EYA1: variants seen among roughly 807,000 people sequenced by gnomAD.
EYA1 encodes EYA transcriptional coactivator and phosphatase 1.
A neutral mutation model predicts 82.0 loss-of-function variants in EYA1; 16 were observed. The ratio of observed to expected loss-of-function variants is 0.20; its 90% CI spans 0.13 to 0.30. The LOEUF is 0.30. Ranked by LOEUF, EYA1 falls within the 10% of genes least tolerant of loss-of-function variation. The pLI is 1.00. For missense variants in EYA1, 633 were observed against 730.7 expected, an observed-to-expected ratio of 0.87 and a Z score of 1.54; for synonymous variants, 261 against 264.4, an observed-to-expected ratio of 0.99 and a Z score of 0.12.
intron 2 of EYA1, among the ~76,000 whole-genome samples, chr8:71,500,126 G>C (rs779828609): frequency 6.6e-6 from 1 of 152,128 alleles, no homozygotes; most frequent in Non-Finnish European, 1.5e-5. Context: ...AGCATGTAAA[G>C]GTATGAGAGT....
intron 3 of EYA1, among the ~76,000 whole-genome samples, chr8:71,343,639 C>T (rs954160651): frequency 6.6e-5 from 10 of 152,190 alleles, no homozygotes; most frequent in African/African-American, 2.2e-4. Flanking sequence ...GGCCCTTGAC[C>T]TTGGACTTAG....
intron 2 of EYA1, among the ~76,000 whole-genome samples, chr8:71,531,554 T>C (rs986195013): frequency 6.6e-6 from 1 of 152,180 alleles, no homozygotes; most frequent in African/African-American, 2.4e-5. Flanking sequence ...AGTGAGTATG[T>C]GCTTTTTTTT....
Position 71,239,767 on chromosome 8 carries a change from A to C in EYA1, c.1140+4836T>G, listed in dbSNP as rs187441394. Among the ~76,000 whole-genome samples, 455 of 152,330 alleles carry C rather than the reference A, an allele frequency of 3.0e-3. 3 individuals are homozygous for C. Among genetic ancestry groups the C allele is most frequent in the African/African-American group, 0.01 (426 of 41,582 alleles). On this transcript the variant is annotated intron_variant, in intron 12 of 17. Coordinates refer to ENST00000340726, the MANE Select transcript of EYA1 (RefSeq NM_000503.6). ...AGATCCTTTGGCAGCAGAGAACCAG[A>C]GCTCTAGCATCCACACAAAAGCTGA... is the stretch of plus-strand genomic sequence containing the variant.
chr8:71,231,976 C>T (rs1811253776), intron 12 of EYA1, among the ~76,000 whole-genome samples: 1 of 152,220 alleles, frequency 6.6e-6, no homozygotes, highest in Admixed American at 6.5e-5. Flanking sequence ...TGTGTGACAG[C>T]AGCAAGGTGT....
chr8:71,461,272 G>A (rs959477444), intron 2 of EYA1, among the ~76,000 whole-genome samples: 1 of 145,468 alleles, frequency 6.9e-6, no homozygotes, highest in Admixed American at 6.7e-5. Flanking sequence ...CTACTGGCAA[G>A]GGGGAGTCAT....
chr8:71,351,309 T>C (rs1302261699), intron 3 of EYA1, among the ~76,000 whole-genome samples: 4 of 152,210 alleles, frequency 2.6e-5, no homozygotes, highest in Non-Finnish European at 5.9e-5. Context: ...TTGAGTTGTT[T>C]AATAGTAACA....
At chr8:71,442,429 T>C (rs184564692) in intron 2 of EYA1, among the ~76,000 whole-genome samples, 35 of 152,320 alleles carry the variant, frequency 2.3e-4, no homozygotes, top group Admixed American at 2.0e-3. Context: ...GCATGTGCCC[T>C]TCTCCAAGTT....
At chr8:71,457,171 C>T (rs1394006648) in intron 2 of EYA1, among the ~76,000 whole-genome samples, 2 of 152,208 alleles carry the variant, frequency 1.3e-5, no homozygotes, top group African/African-American at 4.8e-5. Flanking sequence ...TGCTCATCAT[C>T]ATTGGCCATC....
intron 1 of EYA1, 92 bp from the exon 2 acceptor site, chr8:71,356,603 T>C: frequency 3.4e-6 from 5 of 1,452,522 alleles, no homozygotes; most frequent in Non-Finnish European, 4.5e-6. Flanking sequence ...AGAACGACAA[T>C]GCTCTCTTTT....
intron 12 of EYA1, among the ~76,000 whole-genome samples, chr8:71,235,885 T>C (rs1164931239): frequency 6.6e-6 from 1 of 152,180 alleles, no homozygotes; most frequent in Non-Finnish European, 1.5e-5. Flanking sequence ...AAATATTACC[T>C]TTAATATGTC....
At chr8:71,262,928 TG>T (rs1453267833) in intron 11 of EYA1, among the ~76,000 whole-genome samples, 4 of 152,210 alleles carry the variant, frequency 2.6e-5, no homozygotes, top group African/African-American at 9.7e-5. Context: ...TTATCTAATT[TG>T]GCATTGATAT....
intron 4 of EYA1, among the ~76,000 whole-genome samples, chr8:71,322,857 G>GT (rs1822738240): frequency 6.6e-6 from 1 of 152,110 alleles, no homozygotes; most frequent in Non-Finnish European, 1.5e-5. Flanking sequence ...AGCTAAGCCT[G>GT]TTTTTTCCTG....
At chr8:71,381,856 T>G (rs1386424305) in intron 2 of EYA1, among the ~76,000 whole-genome samples, 1 of 152,238 alleles carries the variant, frequency 6.6e-6, no homozygotes, top group Non-Finnish European at 1.5e-5. Flanking sequence ...GGGGATTTAT[T>G]GGTATTTTAG....
chr8:71,365,013 A>C (rs1218929144), upstream of EYA1, among the ~76,000 whole-genome samples: 1 of 144,106 alleles, frequency 6.9e-6, no homozygotes, highest in East Asian at 2.0e-4. Flanking sequence ...CACGGTATTT[A>C]CATTACATTT....
At chr8:71,413,977 G>A (rs1362073701) in intron 2 of EYA1, among the ~76,000 whole-genome samples, 1 of 152,212 alleles carries the variant, frequency 6.6e-6, no homozygotes, top group Non-Finnish European at 1.5e-5. Context: ...TAGGAAGTTT[G>A]TTAGAGAATG....
At chr8:71,373,822 A>G (rs548338542) in intron 2 of EYA1, among the ~76,000 whole-genome samples, 2 of 152,292 alleles carry the variant, frequency 1.3e-5, no homozygotes, top group South Asian at 4.1e-4. Flanking sequence ...TAAAGAGTCC[A>G]GAAATAAACC....
At chr8:71,546,552 C>T (rs1260749689) in intron 1 of EYA1, among the ~76,000 whole-genome samples, 1 of 149,534 alleles carries the variant, frequency 6.7e-6, no homozygotes, top group African/African-American at 2.5e-5. Context: ...CCAGGCTAGA[C>T]TGCAGTGGCG....
chr8:71,312,717 C>T (rs1821481508), intron 7 of EYA1, among the ~76,000 whole-genome samples: 1 of 152,148 alleles, frequency 6.6e-6, no homozygotes, highest in African/African-American at 2.4e-5. Context: ...GGATTACAGG[C>T]GTGAGCCATA....
intron 9 of EYA1, among the ~76,000 whole-genome samples, chr8:71,274,069 C>T (rs1339852844): frequency 6.6e-6 from 1 of 151,970 alleles, no homozygotes; most frequent in Non-Finnish European, 1.5e-5. Flanking sequence ...AAGTGAGTTA[C>T]TTTTGTAAGC....
Sources: gnomAD v4.1 joint callset for allele counts (sites outside exome capture counted in the v4.1 genomes callset) on GRCh38, gnomAD v4.1.1 for gene constraint, MANE v1.5 for transcripts, NCBI Gene and HGNC (gene_info 2026-07-23, HGNC 2026-07-21) for gene names.